SAMMSON: variants seen among roughly 807,000 people sequenced by gnomAD.
SAMMSON encodes survival associated mitochondrial melanoma specific oncogenic non-coding RNA.
intron 6 of SAMMSON, among the ~76,000 whole-genome samples, chr3:70,285,214 C>T (rs960751995): frequency 2.4e-5 from 3 of 123,316 alleles, no homozygotes; most frequent in Non-Finnish European, 5.0e-5. Flanking sequence ...CCCCTCCCCC[C>T]ACCCCACAAC....
chr3:70,203,054 T>C (rs1191040572), intron 4 of SAMMSON, among the ~76,000 whole-genome samples: 2 of 152,012 alleles, frequency 1.3e-5, no homozygotes, highest in African/African-American at 4.8e-5. Context: ...TCCTGAAGCA[T>C]TTCTGAGCTG....
intron 6 of SAMMSON, among the ~76,000 whole-genome samples, chr3:70,262,620 A>G (rs1013858382): frequency 2.0e-5 from 3 of 152,182 alleles, no homozygotes; most frequent in Admixed American, 6.5e-5. Context: ...ATATTCTGCT[A>G]GGTTCAAAGC....
At chr3:70,010,786 T>G (rs977502883) in intron 1 of SAMMSON, among the ~76,000 whole-genome samples, 1 of 152,132 alleles carries the variant, frequency 6.6e-6, no homozygotes, top group Non-Finnish European at 1.5e-5. Flanking sequence ...TCAGGAAACT[T>G]ACAAACATGG....
At chr3:70,129,794 G>C (rs1034425312) in intron 4 of SAMMSON, among the ~76,000 whole-genome samples, 1 of 152,126 alleles carries the variant, frequency 6.6e-6, no homozygotes, top group African/African-American at 2.4e-5. Context: ...TATGGACACT[G>C]TTCCATCAAG....
At chr3:70,301,673 G>T (rs942298783) in intron 7 of SAMMSON, among the ~76,000 whole-genome samples, 23 of 152,070 alleles carry the variant, frequency 1.5e-4, no homozygotes, top group Non-Finnish European at 3.1e-4. Context: ...TAAGACAAAC[G>T]TGAAGTGTGG....
At chr3:70,323,923 G>T (rs1435099442) in intron 7 of SAMMSON, among the ~76,000 whole-genome samples, 2 of 152,038 alleles carry the variant, frequency 1.3e-5, no homozygotes, top group African/African-American at 4.8e-5. Context: ...CTGGAGGCAG[G>T]GAGAACTGAC....
At chr3:70,038,292 C>G (rs1251082786) in intron 3 of SAMMSON, among the ~76,000 whole-genome samples, 2 of 152,090 alleles carry the variant, frequency 1.3e-5, no homozygotes, top group Non-Finnish European at 2.9e-5. Flanking sequence ...AAGATTATTT[C>G]CCACAAGAAT....
intron 7 of SAMMSON, among the ~76,000 whole-genome samples, chr3:70,337,161 C>A (rs7430243): frequency 1.3e-5 from 1 of 75,862 alleles, no homozygotes; most frequent in Non-Finnish European, 3.0e-5. Context: ...ATAATAATAT[C>A]TAACTTAATA....
At chr3:70,365,711 C>G (rs571268916) in intron 9 of SAMMSON, among the ~76,000 whole-genome samples, 1 of 151,924 alleles carries the variant, frequency 6.6e-6, no homozygotes, top group South Asian at 2.1e-4. Flanking sequence ...AGAACCCACT[C>G]AGTTCTAAAG....
chr3:70,333,932 T>C (rs1702644213), intron 7 of SAMMSON, among the ~76,000 whole-genome samples: 1 of 152,192 alleles, frequency 6.6e-6, no homozygotes, highest in African/African-American at 2.4e-5. Context: ...CTTTCTCACT[T>C]GGTTTAGTTA....
chr3:70,318,846 T>C (rs1264691634), intron 7 of SAMMSON, among the ~76,000 whole-genome samples: 1 of 152,022 alleles, frequency 6.6e-6, no homozygotes, highest in African/African-American at 2.4e-5. Flanking sequence ...TGATAATGGG[T>C]CATTTTCAGT....
At chr3:70,384,514 C>G (rs1703104292) in intron 9 of SAMMSON, among the ~76,000 whole-genome samples, 1 of 152,096 alleles carries the variant, frequency 6.6e-6, no homozygotes, top group African/African-American at 2.4e-5. Context: ...TAGTTTTGCT[C>G]TCCTCCGGAC....
At chr3:70,209,410 T>A (rs1576155835) in intron 4 of SAMMSON, among the ~76,000 whole-genome samples, 1 of 152,012 alleles carries the variant, frequency 6.6e-6, no homozygotes, top group African/African-American at 2.4e-5. Flanking sequence ...GTGGCGTGTA[T>A]CTTATGTCAA....
intron 6 of SAMMSON, among the ~76,000 whole-genome samples, chr3:70,273,958 G>A (rs1030564171): frequency 6.6e-6 from 1 of 151,806 alleles, no homozygotes; most frequent in African/African-American, 2.4e-5. Context: ...CACTGCACCC[G>A]GCCCAGAATT....
rs573486804 is a variant in SAMMSON at position 70,306,313 on chromosome 3, A to G, written n.739+15070A>G. The stretch of plus-strand genomic sequence containing the variant: ...TTTTTAGTAAAGACGGGGTTTCACC[A>G]TGTTGGCCAGGCTGGTCTCAAACTC... On this transcript the variant is annotated intron_variant and non_coding_transcript_variant, in intron 7 of 9. Coordinates refer to ENST00000642114, the Ensembl canonical transcript of SAMMSON. Among the ~76,000 whole-genome samples, 6 of 152,240 alleles carry G rather than the reference A, an allele frequency of 3.9e-5. No homozygotes were observed. The South Asian group carries it at 8.3e-4, about 21-fold the overall frequency.
chr3:70,433,532 A>C (rs1701433034), intron 2 of SAMMSON, among the ~76,000 whole-genome samples: 1 of 152,060 alleles, frequency 6.6e-6, no homozygotes, highest in South Asian at 2.1e-4. Context: ...GAGTTTTAAA[A>C]GTTCTTTTTA....
chr3:70,380,136 A>G (rs991045983), intron 9 of SAMMSON, among the ~76,000 whole-genome samples: 3 of 152,130 alleles, frequency 2.0e-5, no homozygotes, highest in Admixed American at 6.6e-5. Flanking sequence ...ACATCAAGTC[A>G]TTCTAGAGCA....
At chr3:70,244,902 T>C (rs1359497413) in intron 4 of SAMMSON, among the ~76,000 whole-genome samples, 1 of 152,166 alleles carries the variant, frequency 6.6e-6, no homozygotes, top group African/African-American at 2.4e-5. Context: ...AGGAAATTCA[T>C]TCATAAATAG....
At position 70,161,733 on chromosome 3, in the gene SAMMSON, TA is replaced by T. The variant is rs1352540757; in HGVS notation, n.508-87373del. Among the ~76,000 whole-genome samples the T allele has an allele frequency of 2.0e-5, 3 of 151,916 alleles. No homozygotes were observed. The East Asian group carries it at 5.8e-4, about 29-fold the overall frequency. On this transcript the variant is annotated intron_variant and non_coding_transcript_variant, in intron 4 of 9. Coordinates refer to ENST00000642114, the Ensembl canonical transcript of SAMMSON. ...CCTCTTTTATTTTCAGGGGAATTTG[TA>T]GAGTATTGATATTATTGCTCCTTTA...
Sources: gnomAD v4.1 joint callset for allele counts (sites outside exome capture counted in the v4.1 genomes callset) on GRCh38, gnomAD v4.1.1 for gene constraint, MANE v1.5 for transcripts, NCBI Gene and HGNC (gene_info 2026-07-23, HGNC 2026-07-21) for gene names.